The following C8orf34 variants were observed in gnomAD, a reference collection of about 807,000 sequenced individuals.
C8orf34 encodes chromosome 8 open reading frame 34, also known as uncharacterized protein C8orf34.
C8orf34 carries 65 observed loss-of-function variants against 68.3 expected under a neutral mutation model. The ratio of observed to expected loss-of-function variants is 0.95; its 90% CI spans 0.78 to 1.17. The LOEUF (loss-of-function observed/expected upper bound fraction) is 1.17. Among genes scored for constraint, C8orf34 ranks in the 50% most tolerant of loss-of-function variants. C8orf34 has a pLI of 0.00. For synonymous variants in C8orf34, 244 were observed against 241.2 expected (o/e 1.01, Z -0.11); for missense variants, 664 against 655.4 (o/e 1.01, Z -0.14).
intron 8 of C8orf34, among the ~76,000 whole-genome samples, chr8:68,698,701 A>G (rs1239737848): frequency 6.6e-6 from 1 of 152,120 alleles, no homozygotes; most frequent in East Asian, 1.9e-4. Context: ...CTTTAAAAAG[A>G]TTCCTTACAG....
At chr8:68,526,999 C>G (rs772930711) in intron 6 of C8orf34, among the ~76,000 whole-genome samples, 5 of 152,132 alleles carry the variant, frequency 3.3e-5, no homozygotes, top group Non-Finnish European at 7.4e-5. Context: ...CTGTTCCTTT[C>G]CATTTGATCC....
chr8:68,605,039 G>A (rs756828485), intron 7 of C8orf34, among the ~76,000 whole-genome samples: 2 of 151,980 alleles, frequency 1.3e-5, no homozygotes, highest in African/African-American at 2.4e-5. Context: ...ATTAAAAATT[G>A]GACCAAAGAT....
At chr8:68,507,965 A>G (rs1296429659) in intron 5 of C8orf34, among the ~76,000 whole-genome samples, 1 of 152,230 alleles carries the variant, frequency 6.6e-6, no homozygotes, top group African/African-American at 2.4e-5. Context: ...AGAGGTCTTA[A>G]TAAAGGGTCT....
chr8:68,730,131 C>T (rs1821939551), intron 10 of C8orf34, among the ~76,000 whole-genome samples: 1 of 152,122 alleles, frequency 6.6e-6, no homozygotes, highest in Admixed American at 6.5e-5. Flanking sequence ...CATGTTTCAA[C>T]TTGGACTCTT....
intron 8 of C8orf34, among the ~76,000 whole-genome samples, chr8:68,664,014 G>A (rs1819764085): frequency 6.6e-6 from 1 of 152,164 alleles, no homozygotes; most frequent in Non-Finnish European, 1.5e-5. Context: ...AGGGGAAAAA[G>A]GAGTGGGGTT....
chr8:68,443,516 A>C (rs1586152054), intron 2 of C8orf34, among the ~76,000 whole-genome samples: 1 of 150,554 alleles, frequency 6.6e-6, no homozygotes, highest in African/African-American at 2.4e-5. Flanking sequence ...TGCCTCAGCC[A>C]CCCAAGTAGC....
At chr8:68,708,229 C>T (rs925909395) in intron 8 of C8orf34, among the ~76,000 whole-genome samples, 2 of 151,866 alleles carry the variant, frequency 1.3e-5, no homozygotes, top group Non-Finnish European at 2.9e-5. Context: ...TTATGGTGCA[C>T]ATATAATTTA....
chr8:68,711,949 A>T (rs891691553), intron 9 of C8orf34, among the ~76,000 whole-genome samples: 4 of 152,214 alleles, frequency 2.6e-5, no homozygotes, highest in Admixed American at 2.0e-4. Flanking sequence ...GCATCAGGTA[A>T]CCTATAAAGG....
At chr8:68,335,884 A>G (rs1252882906) in intron 1 of C8orf34, among the ~76,000 whole-genome samples, 1 of 152,064 alleles carries the variant, frequency 6.6e-6, no homozygotes, top group Admixed American at 6.5e-5. Context: ...GTTTGAGACC[A>G]AAGACCAGCC....
At chr8:68,451,221 G>C (rs1811330059) in intron 3 of C8orf34, among the ~76,000 whole-genome samples, 1 of 152,048 alleles carries the variant, frequency 6.6e-6, no homozygotes, top group African/African-American at 2.4e-5. Flanking sequence ...TTAGACCTTG[G>C]CTTAATGGAA....
In C8orf34 at chr8:68,802,022, C is replaced by T. The variant is rs143191099; in HGVS notation, c.1550-13864C>T. 6.2e-3 allele frequency among the ~76,000 whole-genome samples: 939 copies of T among 152,166 alleles called. 6 individuals are homozygous for T. Among genetic ancestry groups the T allele is most frequent in the African/African-American group, 0.021 (870 of 41,496 alleles). On this transcript the variant is annotated intron_variant, in intron 12 of 13. Transcript: ENST00000518698. ...TATATGATAATATACATTCTATATA[C>T]AGCTTTATAAAGTGGCTTTAGCATT...
chr8:68,354,186 A>G (rs1290386304), intron 1 of C8orf34, among the ~76,000 whole-genome samples: 1 of 152,158 alleles, frequency 6.6e-6, no homozygotes, highest in Non-Finnish European at 1.5e-5. Context: ...CAATAAAACA[A>G]AAGTATGAGA....
chr8:68,768,515 C>T (rs536129491), intron 10 of C8orf34, among the ~76,000 whole-genome samples: 7 of 152,228 alleles, frequency 4.6e-5, no homozygotes, highest in African/African-American at 1.7e-4. Flanking sequence ...TTTCTTGTAT[C>T]TTTATCTCCT....
At chr8:68,779,021 C>A (rs532181198) in intron 11 of C8orf34, among the ~76,000 whole-genome samples, 2 of 151,632 alleles carry the variant, frequency 1.3e-5, no homozygotes, top group Non-Finnish European at 2.9e-5. Flanking sequence ...TACAAAAAAT[C>A]AAAAAATTAG....
intron 3 of C8orf34, among the ~76,000 whole-genome samples, chr8:68,463,841 A>T (rs1811973404): frequency 6.6e-6 from 1 of 152,224 alleles, no homozygotes; most frequent in African/African-American, 2.4e-5. Flanking sequence ...TATCATACTG[A>T]ATGGGCAAAA....
At chr8:68,619,571 C>T (rs1818327812) in intron 7 of C8orf34, among the ~76,000 whole-genome samples, 1 of 152,136 alleles carries the variant, frequency 6.6e-6, no homozygotes, top group African/African-American at 2.4e-5. Context: ...ATTTTGACCA[C>T]AATGAAGCTA....
intron 7 of C8orf34, among the ~76,000 whole-genome samples, chr8:68,562,305 T>C (rs1179451342): frequency 6.6e-6 from 1 of 152,172 alleles, no homozygotes; most frequent in Non-Finnish European, 1.5e-5. Context: ...TTTGGTAGGG[T>C]GAGATCATGA....
intron 10 of C8orf34, among the ~76,000 whole-genome samples, chr8:68,760,920 G>A (rs924893233): frequency 2.0e-5 from 3 of 152,114 alleles, no homozygotes; most frequent in Admixed American, 2.0e-4. Context: ...TCTTCTAGAA[G>A]ACCATAGGCT....
intron 10 of C8orf34, among the ~76,000 whole-genome samples, chr8:68,729,660 T>A (rs1225162867): frequency 6.6e-6 from 1 of 152,160 alleles, no homozygotes; most frequent in East Asian, 1.9e-4. Flanking sequence ...AATTATAAAA[T>A]CACACTTAGG....
Sources: allele counts gnomAD v4.1 joint callset (sites outside exome capture counted in the v4.1 genomes callset), GRCh38; gene constraint gnomAD v4.1.1; transcripts MANE v1.5; gene names NCBI Gene and HGNC (gene_info 2026-07-23, HGNC 2026-07-21).